LY75: variants seen among roughly 807,000 people sequenced by gnomAD.
LY75 encodes lymphocyte antigen 75.
A neutral mutation model predicts 231.7 loss-of-function variants in LY75; 185 were observed. The observed-to-expected ratio is 0.80, with a 90% CI of 0.71 to 0.90. The LOEUF is 0.90. Among genes scored for constraint, LY75 ranks in the 40% least tolerant of loss-of-function variants. LY75 has a pLI of 0.00. For synonymous variants in LY75, 668 were observed against 689.0 expected (o/e 0.97, Z 0.48); for missense variants, 1,947 against 2,050.2 (o/e 0.95, Z 0.97).
chr2:159,903,825 G>A (rs1404240120), intron 1 of LY75, among the ~76,000 whole-genome samples: 1 of 152,158 alleles, frequency 6.6e-6, no homozygotes, highest in Non-Finnish European at 1.5e-5. Flanking sequence ...GGGGTGTGGT[G>A]TGGTGGGGCT....
Position 159,854,438 on chromosome 2 carries a change from G to A in LY75, c.2517C>T (p.Tyr839=). Reference sequence around the variant, plus strand: ...CAAGAAAGCTGTGATTGCTGGCACAGTACAGGACGGCTTCTTCATAGTTTA... The same window carrying A: ...CAAGAAAGCTGTGATTGCTGGCACAATACAGGACGGCTTCTTCATAGTTTA... The part of the protein sequence containing the change: ...LHLNYEEAVL[Y]CASNHSFLAT... The change falls in exon 18 of 35, where the codon TAC becomes TAT. Residue 839 remains tyrosine (Y), a synonymous_variant. Coordinates refer to ENST00000263636, the MANE Select transcript of LY75 (RefSeq NM_002349.4). 1 of 1,613,346 alleles carries A rather than the reference G, an allele frequency of 6.2e-7. No homozygotes were observed. The highest frequency in any genetic ancestry group is 1.7e-4 in the Middle Eastern group (1 of 6,058).
At chr2:159,855,340 G>A (rs1393966636) in intron 16 of LY75, among the ~76,000 whole-genome samples, 1 of 152,134 alleles carries the variant, frequency 6.6e-6, no homozygotes, top group Non-Finnish European at 1.5e-5. Context: ...AGTTATTCAG[G>A]AACCACTTCT....
intron 31 of LY75, chr2:159,814,014 GCTT>G (rs1195459676): frequency 6.6e-6 from 1 of 152,072 alleles, no homozygotes; most frequent in African/African-American, 2.4e-5. Flanking sequence ...TTATTAACCT[GCTT>G]CTCTAAAGTT....
intron 6 of LY75, among the ~76,000 whole-genome samples, chr2:159,883,788 C>T (rs1685507073): frequency 6.6e-6 from 1 of 152,048 alleles, no homozygotes. Flanking sequence ...TGTTCATTTC[C>T]CCTATTATCT....
chr2:159,818,070 A>G (rs567754944), intron 29 of LY75, among the ~76,000 whole-genome samples: 3 of 152,122 alleles, frequency 2.0e-5, no homozygotes, highest in South Asian at 4.1e-4. Flanking sequence ...ATAAATAAAT[A>G]AAATAATAAA....
chr2:159,813,127 G>A (rs1683012821), intron 31 of LY75, among the ~76,000 whole-genome samples: 1 of 152,194 alleles, frequency 6.6e-6, no homozygotes, highest in Non-Finnish European at 1.5e-5. Flanking sequence ...TGACATGGTT[G>A]TACAAACACC....
At chr2:159,823,037 T>A (rs1234637938) in intron 28 of LY75, among the ~76,000 whole-genome samples, 2 of 152,054 alleles carry the variant, frequency 1.3e-5, no homozygotes, top group Non-Finnish European at 2.9e-5. Context: ...GAACACTTCT[T>A]CTCCTCCAAA....
At chr2:159,860,766 C>T in intron 15 of LY75, 55 bp downstream of exon 15, 1 of 1,596,600 alleles carries the variant, frequency 6.3e-7, no homozygotes, top group Non-Finnish European at 8.6e-7. Flanking sequence ...TACTTGACTG[C>T]ATATGATGAT....
chr2:159,875,739 AG>A, intron 11 of LY75, 96 bp from the exon 12 acceptor site: 1 of 1,445,492 alleles, frequency 6.9e-7, no homozygotes, highest in Non-Finnish European at 9.3e-7. Context: ...AGTTGGGGAG[AG>A]AGAATAAAAA....
intron 28 of LY75, among the ~76,000 whole-genome samples, chr2:159,820,217 T>C (rs943394002): frequency 2.0e-5 from 3 of 152,226 alleles, no homozygotes; most frequent in Non-Finnish European, 1.5e-5. Flanking sequence ...ATGAAAAAGA[T>C]ACTTGCACAT....
At chr2:159,881,309 A>C in intron 7 of LY75, 69 bp from the exon 8 acceptor site, 2 of 1,477,416 alleles carry the variant, frequency 1.4e-6, no homozygotes, top group Non-Finnish European at 1.8e-6. Context: ...ATTGTTATAC[A>C]AATTTTTATA....
chr2:159,810,061 T>C (rs150349252), intron 32 of LY75, among the ~76,000 whole-genome samples: 9,471 of 151,922 alleles, frequency 0.062, 949 homozygotes, highest in African/African-American at 0.21. Flanking sequence ...TGAGATAGAG[T>C]CTTGCTCTGT....
chr2:159,832,525 T>C (rs993228275), intron 27 of LY75, among the ~76,000 whole-genome samples: 1 of 152,218 alleles, frequency 6.6e-6, no homozygotes, highest in African/African-American at 2.4e-5. Flanking sequence ...TCCTTAGTTT[T>C]CAGTATGAGG....
chr2:159,824,136 T>C (rs923856971), intron 28 of LY75, among the ~76,000 whole-genome samples: 4 of 152,182 alleles, frequency 2.6e-5, no homozygotes, highest in African/African-American at 9.6e-5. Context: ...ATGCCCCCAA[T>C]TAAAACACAC....
chr2:159,888,739 C>T (rs1203761350), intron 4 of LY75, among the ~76,000 whole-genome samples: 1 of 152,168 alleles, frequency 6.6e-6, no homozygotes, highest in East Asian at 1.9e-4. Flanking sequence ...AAAGAACTTA[C>T]AGTCTTATAA....
At chr2:159,865,689 G>T (rs993953841) in intron 13 of LY75, among the ~76,000 whole-genome samples, 1 of 152,162 alleles carries the variant, frequency 6.6e-6, no homozygotes, top group Non-Finnish European at 1.5e-5. Flanking sequence ...TGCAGAAAAT[G>T]AAGAAAGACT....
Position 159,894,075 on chromosome 2 carries a change from G to T in LY75, c.476C>A (p.Thr159Asn), listed in dbSNP as rs763681964. The change falls in exon 3 of 35, where the codon ACC (threonine) becomes AAC (asparagine). Residue 159 changes from threonine (T) to asparagine (N), a missense_variant. Physicochemically the swap from Thr to Asn is moderately conservative, Grantham distance 65. Coordinates refer to ENST00000263636, the MANE Select transcript of LY75 (RefSeq NM_002349.4). ...LCDQPYHEIY[T>N]RDGNSYGRPC... ...TCTCCCATAAGAGTTCCCATCTCTG[G>T]TATAGATCTCTGGGTTGGAGAGGAA... is the stretch of plus-strand genomic sequence containing the variant. 17 of 1,605,542 alleles carry T rather than the reference G, an allele frequency of 1.1e-5. No individual in the cohort carries two copies. Among genetic ancestry groups the T allele is most frequent in the Non-Finnish European group, 1.4e-5 (17 of 1,176,134 alleles).
intron 15 of LY75, among the ~76,000 whole-genome samples, chr2:159,860,058 C>A (rs1312483966): frequency 6.6e-6 from 1 of 152,200 alleles, no homozygotes; most frequent in Admixed American, 6.5e-5. Context: ...AAGACAATGG[C>A]TATGCTTTGT....
At chr2:159,850,799 T>TATATATATATATA (rs1491206351) in intron 21 of LY75, among the ~76,000 whole-genome samples, 1 of 105,380 alleles carries the variant, frequency 9.5e-6, no homozygotes, top group African/African-American at 3.9e-5. Context: ...TATATATATA[T>TATATATATATATA]TATATCTTAT....
Sources: allele counts gnomAD v4.1 joint callset (sites outside exome capture counted in the v4.1 genomes callset), GRCh38; gene constraint gnomAD v4.1.1; transcripts MANE v1.5; gene names NCBI Gene and HGNC (gene_info 2026-07-23, HGNC 2026-07-21).